NDUFS1: variants seen among roughly 807,000 people sequenced by gnomAD.
NDUFS1 encodes NADH:ubiquinone oxidoreductase core subunit S1.
In NDUFS1, 61 loss-of-function variants were observed where a neutral mutation model predicts 84.4. That is an observed-to-expected ratio of 0.72 (90% CI 0.59 to 0.89). NDUFS1 has a LOEUF of 0.89. NDUFS1 is among the 40% of genes least tolerant of loss of function. The pLI, the probability that NDUFS1 is intolerant of heterozygous loss-of-function variation, is 0.00. For synonymous variants in NDUFS1, 275 were observed against 290.0 expected, an observed-to-expected ratio of 0.95 and a Z score of 0.53; for missense variants, 891 against 890.0, an observed-to-expected ratio of 1.00 and a Z score of -0.01.
chr2:206,142,353 C>G (rs1375597607), intron 11 of NDUFS1, among the ~76,000 whole-genome samples: 1 of 152,202 alleles, frequency 6.6e-6, no homozygotes, highest in Non-Finnish European at 1.5e-5. Context: ...GCTGGAATTA[C>G]AGGCGCACAC....
At chr2:206,152,156 C>T (rs975514364) in intron 3 of NDUFS1, among the ~76,000 whole-genome samples, 6 of 152,112 alleles carry the variant, frequency 3.9e-5, no homozygotes, top group Admixed American at 6.6e-5. Flanking sequence ...CCACTGCGCT[C>T]GGACTTCAAA....
intron 1 of NDUFS1, among the ~76,000 whole-genome samples, chr2:206,156,675 A>G (rs956525685): frequency 1.1e-4 from 17 of 152,258 alleles, no homozygotes; most frequent in Middle Eastern, 6.3e-3. Context: ...ATAATAGTAC[A>G]TATACATAGG....
chr2:206,140,943 T>TACACACACACACACACAC (rs1553505280), intron 12 of NDUFS1, among the ~76,000 whole-genome samples: 15,678 of 135,828 alleles, frequency 0.12, 1,005 homozygotes, highest in Non-Finnish European at 0.13. Context: ...TATATATATA[T>TACACACACACACACACAC]ACACACACAC....
At chr2:206,150,047 A>ATCTATCTATCTATCTG (rs1363781860) in intron 3 of NDUFS1, 122 bp from the exon 4 acceptor site, 2 of 722,472 alleles carry the variant, frequency 2.8e-6, no homozygotes, top group African/African-American at 3.6e-5. Flanking sequence ...CTATCTATCT[A>ATCTATCTATCTATCTG]TCTATCTTAA....
At chr2:206,155,204 C>T (rs748605658) in intron 1 of NDUFS1, among the ~76,000 whole-genome samples, 64 of 152,118 alleles carry the variant, frequency 4.2e-4, no homozygotes, top group Non-Finnish European at 7.4e-4. Context: ...CTGCAACCTC[C>T]GCCTCCCAGG....
In NDUFS1 at chr2:206,121,762, A is replaced by AT. The variant is rs1315580070; in HGVS notation, c.*2422dup. 1.3e-5 allele frequency: 2 copies of AT among 151,678 alleles called. No individual in the cohort carries two copies. Among genetic ancestry groups the AT allele is most frequent in the Non-Finnish European group, 2.9e-5 (2 of 67,894 alleles). 9.4% of individuals were successfully genotyped at this position (151,678 alleles called of 1,614,324 possible). A position where few individuals can be genotyped will look rare whatever the true frequency, so the allele number is the denominator to read the frequency against. The stretch of plus-strand genomic sequence containing the variant: ...CCACCGCGCCCGGTCCAGACAAGGT[A>AT]TTTTTTAGAGATTATGATTGTTCAC... On this transcript the variant is annotated 3_prime_UTR_variant, in exon 19 of 19. Transcript: ENST00000233190.
intron 13 of NDUFS1, 43 bp downstream of exon 13, chr2:206,138,442 A>C: frequency 1.3e-6 from 2 of 1,585,484 alleles, no homozygotes; most frequent in Non-Finnish European, 8.7e-7. Context: ...AAATAATAAT[A>C]ATTAAAAATC....
chr2:206,154,573 G>A (rs1304825674), intron 1 of NDUFS1, among the ~76,000 whole-genome samples: 2 of 152,174 alleles, frequency 1.3e-5, no homozygotes, highest in Non-Finnish European at 2.9e-5. Flanking sequence ...TAAACACCAC[G>A]ACTTAAAGAC....
intron 13 of NDUFS1, among the ~76,000 whole-genome samples, chr2:206,134,689 T>C (rs1360362973): frequency 5.3e-5 from 8 of 151,808 alleles, no homozygotes; most frequent in Non-Finnish European, 1.2e-4. Context: ...AACACAGATA[T>C]GAAAAACCAG....
At position 206,116,647 on chromosome 2, in the gene NDUFS1, A is replaced by T. The variant is rs1690952194; in HGVS notation, c.*7538T>A. ...ACATGTGTAATTCCAGAACTTTGGG[A>T]GGTCAAGGTGGGAGGAGCGCCTGGG... On this transcript the variant is annotated 3_prime_UTR_variant, in exon 19 of 19. Coordinates refer to ENST00000233190, the MANE Select transcript of NDUFS1 (RefSeq NM_005006.7). 1 of 431,316 alleles carries T rather than the reference A, an allele frequency of 2.3e-6. No individual in the cohort carries two copies. Among genetic ancestry groups the T allele is most frequent in the Admixed American group, 3.6e-5 (1 of 27,536 alleles). 26.7% of individuals were successfully genotyped at this position (431,316 alleles called of 1,614,324 possible).
At chr2:206,155,833 C>T (rs1446860007) in intron 1 of NDUFS1, among the ~76,000 whole-genome samples, 5 of 150,624 alleles carry the variant, frequency 3.3e-5, no homozygotes, top group Non-Finnish European at 5.9e-5. Context: ...GGATTACAGG[C>T]GTGAGCCACC....
At chr2:206,129,066 A>G (rs552849962) in intron 15 of NDUFS1, among the ~76,000 whole-genome samples, 1 of 152,276 alleles carries the variant, frequency 6.6e-6, no homozygotes, top group South Asian at 2.1e-4. Flanking sequence ...CAACTGGCAG[A>G]AGAAAAAAGT....
Position 206,132,973 on chromosome 2 carries a change from C to A in NDUFS1, c.1525G>T (p.Asp509Tyr), listed in dbSNP as rs1434275816. 9 of 1,613,802 alleles carry A rather than the reference C, an allele frequency of 5.6e-6. No individual in the cohort carries two copies. The highest frequency in any genetic ancestry group is 1.3e-5 in the African/African-American group (1 of 74,898). ...TGAAGGATATTCATAACTTTCCAAT[C>A]ACCAGTAACACCACTAGTCATCCGA... The part of the protein sequence containing the change: ...KIRMTSGVTG[D>Y]WKVMNILHRI... The change falls in exon 14 of 19, where the codon GAT (aspartate) becomes TAT (tyrosine). Residue 509 changes from aspartate (D) to tyrosine (Y), a missense_variant. Asp to Tyr is a radical substitution (Grantham distance 160, BLOSUM62 -3). Transcript: ENST00000233190.
chr2:206,129,056 C>T (rs1237114059), intron 15 of NDUFS1, among the ~76,000 whole-genome samples: 1 of 151,918 alleles, frequency 6.6e-6, no homozygotes, highest in African/African-American at 2.4e-5. Context: ...CCATTAATAA[C>T]AACTGGCAGA....
intron 3 of NDUFS1, among the ~76,000 whole-genome samples, chr2:206,150,397 T>C (rs1575992520): frequency 3.3e-5 from 5 of 152,210 alleles, no homozygotes; most frequent in Non-Finnish European, 7.3e-5. Context: ...TCCCAGTTTC[T>C]GTTTGCCCAG....
At chr2:206,149,695 T>G in intron 4 of NDUFS1, 123 bp downstream of exon 4, 2 of 727,084 alleles carry the variant, frequency 2.8e-6, no homozygotes, top group East Asian at 2.6e-5. Flanking sequence ...AGAATTAAAT[T>G]TATAGATAGA....
Position 206,121,183 on chromosome 2 carries a change from TTGCC to T in NDUFS1, c.*2998_*3001del, listed in dbSNP as rs1285289939. The T allele has an allele frequency of 2.0e-5, 3 of 152,224 alleles. No homozygotes were observed. The East Asian group carries it at 5.8e-4, about 29-fold the overall frequency. 9.4% of individuals were successfully genotyped at this position (152,224 alleles called of 1,614,324 possible). On this transcript the variant is annotated 3_prime_UTR_variant, in exon 19 of 19. Coordinates refer to ENST00000233190, the MANE Select transcript of NDUFS1 (RefSeq NM_005006.7). ...ATTATTATTCCAAGGTCTTTCTAGA[TTGCC>T]TTATTCACCTAAAGAGACTTGATCT...
chr2:206,145,620 A>G (rs999009623), intron 8 of NDUFS1, among the ~76,000 whole-genome samples: 9 of 152,192 alleles, frequency 5.9e-5, no homozygotes, highest in African/African-American at 2.2e-4. Context: ...AAAGCTGGCC[A>G]AAAATGACAA....
chr2:206,147,852 C>T lies in NDUFS1; in HGVS notation c.339-18G>A. On this transcript the variant is annotated intron_variant, in intron 5 of 18. Transcript: ENST00000233190. ...CACCTTCCCTGTATGAAAATTGTAA[C>T]ATATAAAATGACTCTCAAATACACA... The T allele has an allele frequency of 6.3e-7, 1 of 1,599,334 alleles. No individual in the cohort carries two copies. Among genetic ancestry groups the T allele is most frequent in the South Asian group, 1.1e-5 (1 of 90,732 alleles).
Sources: gnomAD v4.1 joint callset for allele counts (sites outside exome capture counted in the v4.1 genomes callset) on GRCh38, gnomAD v4.1.1 for gene constraint, MANE v1.5 for transcripts, NCBI Gene and HGNC (gene_info 2026-07-23, HGNC 2026-07-21) for gene names.